NPAS3: variants seen among roughly 807,000 people sequenced by gnomAD.
NPAS3 encodes the protein neuronal PAS domain-containing protein 3.
A neutral mutation model predicts 73.1 loss-of-function variants in NPAS3; 14 were observed. The ratio of observed to expected loss-of-function variants is 0.19; its 90% CI spans 0.13 to 0.30. The LOEUF is 0.30. Ranked by LOEUF, NPAS3 falls within the 10% of genes least tolerant of loss-of-function variation. The pLI, the probability that NPAS3 is intolerant of heterozygous loss-of-function variation, is 1.00. For missense variants in NPAS3, 1,096 were observed against 1,250.0 expected (o/e 0.88, Z 1.86); for synonymous variants, 620 against 541.5 (o/e 1.14, Z -2.01).
At chr14:33,209,932 A>G (rs1011850848) in intron 2 of NPAS3, among the ~76,000 whole-genome samples, 3 of 151,612 alleles carry the variant, frequency 2.0e-5, no homozygotes, top group South Asian at 2.1e-4. Context: ...CAATAAGGTC[A>G]GTATCTGAAC....
At chr14:33,754,740 T>C (rs1472633982) in intron 7 of NPAS3, among the ~76,000 whole-genome samples, 1 of 152,020 alleles carries the variant, frequency 6.6e-6, no homozygotes, top group Admixed American at 6.6e-5. Context: ...TCTCTCTCTC[T>C]TCTCCCTTTC....
chr14:33,697,556 A>G (rs760328674), intron 6 of NPAS3, among the ~76,000 whole-genome samples: 6 of 152,324 alleles, frequency 3.9e-5, no homozygotes, highest in Middle Eastern at 3.4e-3. Context: ...ATGCCAGTTA[A>G]ATAAGCAACT....
chr14:33,321,861 A>G (rs1293328422), intron 3 of NPAS3, among the ~76,000 whole-genome samples: 1 of 152,214 alleles, frequency 6.6e-6, no homozygotes, highest in African/African-American at 2.4e-5. Flanking sequence ...AGACACAGGC[A>G]AAAATCAACT....
intron 4 of NPAS3, among the ~76,000 whole-genome samples, chr14:33,518,128 A>C (rs1225945600): frequency 6.6e-6 from 1 of 152,140 alleles, no homozygotes; most frequent in Non-Finnish European, 1.5e-5. Context: ...TGACATATCA[A>C]ATACCAATTA....
chr14:33,455,260 C>G lies in NPAS3; in HGVS notation c.468+87992C>G, dbSNP rs956750816. On this transcript the variant is annotated intron_variant, in intron 4 of 11. Coordinates refer to ENST00000356141, the Ensembl canonical transcript of NPAS3. The stretch of plus-strand genomic sequence containing the variant: ...TTTTGACCTTCTCTCATCAGTCTGA[C>G]TCAGTGAAATTTTGTTGTATTTCAG... Among the ~76,000 whole-genome samples the G allele has an allele frequency of 7.8e-4, 119 of 152,166 alleles. 1 individual carries two copies. The highest frequency in any genetic ancestry group is 2.8e-3 in the African/African-American group (117 of 41,434).
chr14:33,566,704 T>C (rs1477916212), intron 5 of NPAS3, among the ~76,000 whole-genome samples: 2 of 152,180 alleles, frequency 1.3e-5, no homozygotes, highest in African/African-American at 4.8e-5. Context: ...TACCAGTTTC[T>C]TTCTTCTCTG....
chr14:33,149,066 T>G (rs1412353262), intron 2 of NPAS3, among the ~76,000 whole-genome samples: 3 of 152,236 alleles, frequency 2.0e-5, no homozygotes, highest in Non-Finnish European at 4.4e-5. Flanking sequence ...TTGTGAGTAC[T>G]GATGTGTTAG....
intron 1 of NPAS3, among the ~76,000 whole-genome samples, chr14:33,022,724 A>C (rs910587171): frequency 2.7e-5 from 4 of 150,480 alleles, no homozygotes; most frequent in African/African-American, 7.3e-5. Context: ...CTCATTGTTT[A>C]TTTAGTGCCT....
At chr14:33,123,267 T>C (rs567057153) in intron 2 of NPAS3, among the ~76,000 whole-genome samples, 2 of 152,148 alleles carry the variant, frequency 1.3e-5, no homozygotes, top group South Asian at 2.1e-4. Flanking sequence ...ATTGGAGTTA[T>C]GGGGATTTGG....
In NPAS3 at chr14:33,040,159, C is replaced by T. The variant is rs563456034; in HGVS notation, c.51-15746C>T. On this transcript the variant is annotated intron_variant, in intron 1 of 11. Transcript: ENST00000356141. ...GTGGCAGTAACCTGCAGGGGTATTC[C>T]CCTTTTGATCACTCTGTAACTGAAT... 2.2e-3 allele frequency among the ~76,000 whole-genome samples: 339 copies of T among 152,050 alleles called. 1 individual carries two copies. Among genetic ancestry groups the T allele is most frequent in the Non-Finnish European group, 3.7e-3 (250 of 67,986 alleles).
intron 3 of NPAS3, among the ~76,000 whole-genome samples, chr14:33,235,230 G>A (rs781583609): frequency 1.2e-4 from 18 of 152,112 alleles, no homozygotes; most frequent in South Asian, 2.1e-4. Flanking sequence ...ATGTGTTAAA[G>A]AGAAATCTTT....
At chr14:33,263,159 A>G (rs2049035797) in intron 3 of NPAS3, among the ~76,000 whole-genome samples, 1 of 152,110 alleles carries the variant, frequency 6.6e-6, no homozygotes, top group South Asian at 2.1e-4. Flanking sequence ...TTTTGTTGCC[A>G]TTGCTTTTGG....
intron 2 of NPAS3, among the ~76,000 whole-genome samples, chr14:33,073,425 A>G (rs925693362): frequency 1.3e-5 from 2 of 152,210 alleles, no homozygotes; most frequent in African/African-American, 4.8e-5. Context: ...ACAGTAAATT[A>G]AATCAGGGCA....
chr14:33,217,305 T>A (rs769686191), intron 3 of NPAS3, among the ~76,000 whole-genome samples: 1 of 152,120 alleles, frequency 6.6e-6, no homozygotes, highest in Non-Finnish European at 1.5e-5. Flanking sequence ...GATGGGGACG[T>A]AGAGCCAAAC....
intron 2 of NPAS3, among the ~76,000 whole-genome samples, chr14:33,064,229 A>G (rs1246073625): frequency 6.6e-6 from 1 of 152,228 alleles, no homozygotes; most frequent in Non-Finnish European, 1.5e-5. Flanking sequence ...TTACAGTATT[A>G]TGATCTGTAT....
chr14:33,754,458 T>C (rs1287680070), intron 7 of NPAS3, among the ~76,000 whole-genome samples: 1 of 152,186 alleles, frequency 6.6e-6, no homozygotes, highest in African/African-American at 2.4e-5. Flanking sequence ...GACCTCATGT[T>C]CGTGGAATGC....
intron 4 of NPAS3, among the ~76,000 whole-genome samples, chr14:33,386,765 G>C (rs561393591): frequency 6.6e-6 from 1 of 152,016 alleles, no homozygotes; most frequent in Non-Finnish European, 1.5e-5. Context: ...ACATTGTTAC[G>C]GAAGTTCACA....
At chr14:33,252,520 G>A (rs144760537) in intron 3 of NPAS3, among the ~76,000 whole-genome samples, 1 of 151,820 alleles carries the variant, frequency 6.6e-6, no homozygotes, top group Non-Finnish European at 1.5e-5. Flanking sequence ...TGATGTAGTG[G>A]TTATTCTTTT....
chr14:33,691,935 G>T (rs1263941554), intron 6 of NPAS3, among the ~76,000 whole-genome samples: 1 of 152,176 alleles, frequency 6.6e-6, no homozygotes, highest in Non-Finnish European at 1.5e-5. Flanking sequence ...CAAATCTGCT[G>T]ATAGGAAACA....
Sources: allele counts gnomAD v4.1 joint callset (sites outside exome capture counted in the v4.1 genomes callset), GRCh38; gene constraint gnomAD v4.1.1; transcripts MANE v1.5; gene names NCBI Gene and HGNC (gene_info 2026-07-23, HGNC 2026-07-21).